The following NCEH1 variants were observed in gnomAD, a reference collection of about 807,000 sequenced individuals.
NCEH1 encodes the protein 2-acetyl MAGE hydrolase.
In NCEH1, 9 loss-of-function variants were observed where a neutral mutation model predicts 25.4. The observed-to-expected ratio is 0.35, with a 90% confidence interval of 0.21 to 0.62. The LOEUF is 0.62. Ranked by LOEUF, NCEH1 falls within the 20% of genes least tolerant of loss-of-function variation. NCEH1 has a pLI of 0.72. For missense variants in NCEH1, 412 were observed against 501.1 expected (o/e 0.82, Z 1.70); for synonymous variants, 200 against 199.8 (o/e 1.00, Z -0.01).
At chr3:172,634,926 A>T (rs1454485771) in intron 4 of NCEH1, among the ~76,000 whole-genome samples, 3 of 152,224 alleles carry the variant, frequency 2.0e-5, no homozygotes, top group African/African-American at 7.2e-5. Flanking sequence ...CAAAAGCAAG[A>T]ATGGTCAGTA....
At chr3:172,703,636 T>C (rs1713824911) in intron 1 of NCEH1, among the ~76,000 whole-genome samples, 1 of 152,144 alleles carries the variant, frequency 6.6e-6, no homozygotes, top group African/African-American at 2.4e-5. Context: ...ACTTTCACAC[T>C]TCACAGAAAT....
chr3:172,669,238 C>T (rs183611738), intron 1 of NCEH1, among the ~76,000 whole-genome samples: 8 of 152,262 alleles, frequency 5.3e-5, no homozygotes, highest in African/African-American at 1.4e-4. Context: ...CAGGGCAACA[C>T]GCCAGCTACA....
rs141722781 is a variant in NCEH1 at position 172,669,339 on chromosome 3, T to A, written c.139-21225A>T. On this transcript the variant is annotated intron_variant, in intron 1 of 4. Coordinates refer to ENST00000475381, the MANE Select transcript of NCEH1 (RefSeq NM_020792.6). ...AAACTCTAAGATGCTATGGCTGAACTTTTTTTAGAGTAATTGTATTTGCCT... is the reference window on the plus strand; with the variant it reads ...AAACTCTAAGATGCTATGGCTGAACATTTTTTAGAGTAATTGTATTTGCCT... Among the ~76,000 whole-genome samples, 409 of 152,322 alleles carry A rather than the reference T, an allele frequency of 2.7e-3. 1 individual carries two copies. The highest frequency in any genetic ancestry group is 9.4e-3 in the African/African-American group (391 of 41,570).
At chr3:172,676,596 T>C (rs1038733963) in intron 1 of NCEH1, among the ~76,000 whole-genome samples, 3 of 152,128 alleles carry the variant, frequency 2.0e-5, no homozygotes, top group African/African-American at 7.2e-5. Context: ...ACGGGGTTTC[T>C]CGTCGTTCGA....
At position 172,633,281 on chromosome 3, in the gene NCEH1, T is replaced by A; in HGVS notation, c.*194A>T. 1.6e-6 allele frequency: 1 copy of A among 610,644 alleles called. No individual in the cohort carries two copies. The highest frequency in any genetic ancestry group is 2.8e-6 in the Non-Finnish European group (1 of 351,992). The allele number at this position is 610,644 out of a possible 1,614,324, so 37.8% of individuals were successfully genotyped here. On this transcript the variant is annotated 3_prime_UTR_variant, in exon 5 of 5. Coordinates refer to ENST00000475381, the MANE Select transcript of NCEH1 (RefSeq NM_020792.6). ...CCACTCTGGGAACCAAATTTACATG[T>A]TTTGCACTTAAGTTAGTCAAATTCA...
intron 1 of NCEH1, among the ~76,000 whole-genome samples, chr3:172,690,951 T>C (rs920507771): frequency 5.5e-5 from 8 of 146,334 alleles, no homozygotes; most frequent in African/African-American, 2.2e-4. Context: ...AAATTATGCT[T>C]CTGTGGGGAA....
intron 1 of NCEH1, among the ~76,000 whole-genome samples, chr3:172,689,990 G>A (rs1303052389): frequency 2.0e-5 from 3 of 148,936 alleles, no homozygotes; most frequent in East Asian, 2.0e-4. Flanking sequence ...TGCAAACTCC[G>A]CCTCCCGGGT....
chr3:172,694,370 TTA>T (rs141179712), intron 1 of NCEH1, among the ~76,000 whole-genome samples: 12 of 149,796 alleles, frequency 8.0e-5, no homozygotes, highest in African/African-American at 2.5e-4. Context: ...GGGGAAAGAG[TTA>T]TATATATGTG....
intron 3 of NCEH1, among the ~76,000 whole-genome samples, chr3:172,640,293 A>G (rs1716791153): frequency 6.6e-6 from 1 of 152,214 alleles, no homozygotes; most frequent in Admixed American, 6.5e-5. Context: ...GGAACATAAA[A>G]GAGTTAATAT....
intron 1 of NCEH1, among the ~76,000 whole-genome samples, chr3:172,653,949 G>GT (rs1717573416): frequency 6.6e-6 from 1 of 151,980 alleles, no homozygotes; most frequent in African/African-American, 2.4e-5. Context: ...TAAAGACAAG[G>GT]TTTCACTGTG....
intron 3 of NCEH1, among the ~76,000 whole-genome samples, chr3:172,638,935 C>T (rs1343774833): frequency 6.6e-6 from 1 of 152,164 alleles, no homozygotes; most frequent in Non-Finnish European, 1.5e-5. Context: ...GATCCATGGC[C>T]TAACCCCTCC....
intron 1 of NCEH1, among the ~76,000 whole-genome samples, chr3:172,673,399 A>T (rs1356566888): frequency 6.6e-6 from 1 of 152,086 alleles, no homozygotes; most frequent in Non-Finnish European, 1.5e-5. Flanking sequence ...GGCAGTAGTC[A>T]CTCTCCCCAA....
intron 1 of NCEH1, among the ~76,000 whole-genome samples, chr3:172,652,868 G>C (rs2192410): frequency 0.18 from 26,617 of 149,370 alleles, 2,418 homozygotes; most frequent in East Asian, 0.2. Flanking sequence ...GCTAATTTTT[G>C]TATTTTTTTT....
At chr3:172,678,693 T>A (rs373211966) in intron 1 of NCEH1, among the ~76,000 whole-genome samples, 135 of 152,262 alleles carry the variant, frequency 8.9e-4, no homozygotes, top group African/African-American at 3.0e-3. Flanking sequence ...ATTTAAAAAA[T>A]TTTTTAAACT....
intron 1 of NCEH1, among the ~76,000 whole-genome samples, chr3:172,704,620 T>G: frequency 6.6e-6 from 1 of 152,250 alleles, no homozygotes; most frequent in African/African-American, 2.4e-5. Context: ...AGGGTTTTAA[T>G]TTTATTAAAC....
chr3:172,711,044 G>C lies in NCEH1; in HGVS notation c.-60C>G. On this transcript the variant is annotated 5_prime_UTR_variant, in exon 1 of 5. Transcript: ENST00000475381. ...AGAGGAAAGGGCGATACCACCCGGA[G>C]ACCTCCGGCAACTTTCTGCCCGCGG... is the stretch of plus-strand genomic sequence containing the variant. 1 of 1,611,416 alleles carries C rather than the reference G, an allele frequency of 6.2e-7. No homozygotes were observed. The highest frequency in any genetic ancestry group is 1.1e-5 in the South Asian group (1 of 91,034).
Position 172,633,218 on chromosome 3 carries a change from G to C in NCEH1, c.*257C>G. ...CTGCTTTCTGTAGCTGTAGGTATCA[G>C]TATAGTTGGCTAAGATAACAAGAAC... On this transcript the variant is annotated 3_prime_UTR_variant, in exon 5 of 5. Transcript: ENST00000475381. The C allele has an allele frequency of 2.1e-6, 1 of 467,404 alleles. No homozygotes were observed. Among genetic ancestry groups the C allele is most frequent in the African/African-American group, 2.0e-5 (1 of 51,206 alleles). 29.0% of individuals were successfully genotyped at this position (467,404 alleles called of 1,614,324 possible).
intron 1 of NCEH1, among the ~76,000 whole-genome samples, chr3:172,654,664 T>A (rs1287071757): frequency 6.6e-6 from 1 of 152,218 alleles, no homozygotes; most frequent in South Asian, 2.1e-4. Context: ...TGATAACCCA[T>A]ACACATCAAT....
Position 172,638,275 on chromosome 3 carries a change from C to CAAA in NCEH1, c.438-2189_438-2188insTTT, listed in dbSNP as rs1560178436. Among the ~76,000 whole-genome samples the CAAA allele has an allele frequency of 3.5e-3, 290 of 81,918 alleles. 48 individuals are homozygous for CAAA. The highest frequency in any genetic ancestry group is 0.01 in the African/African-American group (255 of 24,400). 53.7% of individuals were successfully genotyped at this position (81,918 alleles called of 152,430 possible). On this transcript the variant is annotated intron_variant, in intron 3 of 4. Coordinates refer to ENST00000475381, the MANE Select transcript of NCEH1 (RefSeq NM_020792.6). ...CCTGGGCGACAGAACGAGACTCTGT[C>CAAA]CAAAAAAAAAAAAAAAAAAAAAAAA...
Sources: allele counts gnomAD v4.1 joint callset (sites outside exome capture counted in the v4.1 genomes callset), GRCh38; gene constraint gnomAD v4.1.1; transcripts MANE v1.5; gene names NCBI Gene and HGNC (gene_info 2026-07-23, HGNC 2026-07-21).